Variants in TBXAS1 observed in about 807,000 individuals in gnomAD.
TBXAS1 encodes thromboxane-A synthase.
A neutral mutation model predicts 60.7 loss-of-function variants in TBXAS1; 48 were observed. That is an observed-to-expected ratio of 0.79 (90% CI 0.63 to 1.01). The LOEUF (loss-of-function observed/expected upper bound fraction) is 1.01, where lower values mean the gene tolerates loss of function less well. TBXAS1 is among the 50% of genes least tolerant of loss of function. The probability of loss-of-function intolerance (pLI) is 0.00; values close to 1 mark genes in which losing one functional copy is unlikely to be tolerated. For missense variants in TBXAS1, 685 were observed against 686.3 expected, an observed-to-expected ratio of 1.00 and a Z score of 0.02; for synonymous variants, 287 against 269.7, an observed-to-expected ratio of 1.06 and a Z score of -0.63.
intron 1 of TBXAS1, among the ~76,000 whole-genome samples, chr7:139,853,862 C>A (rs1800394941): frequency 6.6e-6 from 1 of 152,182 alleles, no homozygotes. Flanking sequence ...TGTTCTCCTG[C>A]TCTTCATTGG....
intron 3 of TBXAS1, among the ~76,000 whole-genome samples, chr7:139,783,918 A>G (rs1171481326): frequency 2.0e-5 from 3 of 151,524 alleles, no homozygotes; most frequent in Non-Finnish European, 2.9e-5. Context: ...CTAAGCAAAC[A>G]TGAGTTAGTT....
chr7:139,839,162 T>C (rs1198683290), intron 1 of TBXAS1, among the ~76,000 whole-genome samples: 2 of 152,202 alleles, frequency 1.3e-5, no homozygotes, highest in Admixed American at 6.5e-5. Context: ...ATAGTGGATT[T>C]CTTTCTGGGA....
intron 4 of TBXAS1, among the ~76,000 whole-genome samples, chr7:139,792,360 C>T (rs1297082268): frequency 1.3e-5 from 2 of 152,182 alleles, no homozygotes; most frequent in African/African-American, 4.8e-5. Context: ...ATATCCACCC[C>T]TTCCAAGGAG....
intron 9 of TBXAS1, among the ~76,000 whole-genome samples, chr7:139,983,734 T>G (rs1240304324): frequency 6.6e-6 from 1 of 151,956 alleles, no homozygotes; most frequent in Non-Finnish European, 1.5e-5. Flanking sequence ...CCGCACACAT[T>G]TTTTTTTCTA....
intron 1 of TBXAS1, among the ~76,000 whole-genome samples, chr7:139,864,695 A>G (rs192657365): frequency 3.0e-4 from 45 of 152,374 alleles, no homozygotes; most frequent in African/African-American, 9.6e-4. Context: ...ATCAGAATAG[A>G]TCCAAGCACC....
intron 5 of TBXAS1, among the ~76,000 whole-genome samples, chr7:139,949,498 A>T (rs1809027216): frequency 6.6e-6 from 1 of 152,188 alleles, no homozygotes; most frequent in Non-Finnish European, 1.5e-5. Flanking sequence ...TGTGGCTTAG[A>T]CTGTACTGAC....
chr7:139,838,665 C>A (rs1585594558), intron 1 of TBXAS1, among the ~76,000 whole-genome samples: 1 of 152,152 alleles, frequency 6.6e-6, no homozygotes, highest in Non-Finnish European at 1.5e-5. Context: ...CAAAAAAAAT[C>A]TTTCATTTAA....
intron 4 of TBXAS1, among the ~76,000 whole-genome samples, chr7:139,915,328 C>A (rs574544390): frequency 6.6e-6 from 1 of 152,202 alleles, no homozygotes; most frequent in African/African-American, 2.4e-5. Flanking sequence ...ACTGACACCA[C>A]GTTGCCTTCC....
rs1812358912 is a variant in TBXAS1, at chr7:139,985,254, T to G, written c.1135-21837T>G. Among the ~76,000 whole-genome samples, 6 of 152,330 alleles carry G rather than the reference T, an allele frequency of 3.9e-5. No individual in the cohort carries two copies. In the South Asian group the frequency reaches 1.2e-3, roughly 32 times the overall value. On this transcript the variant is annotated intron_variant, in intron 9 of 12. Transcript: ENST00000448866. ...AAGTTGAAGGCTATGTCCCTCTGGC[T>G]TCTGCAGCTTTTCCTGATGTGGCAG...
chr7:139,877,219 C>G (rs1802307694), intron 3 of TBXAS1, among the ~76,000 whole-genome samples: 1 of 152,150 alleles, frequency 6.6e-6, no homozygotes, highest in South Asian at 2.1e-4. Flanking sequence ...CAAGGCGTGT[C>G]TTTAAATAAC....
At chr7:139,943,601 C>G (rs752385103) in intron 5 of TBXAS1, among the ~76,000 whole-genome samples, 1 of 152,218 alleles carries the variant, frequency 6.6e-6, no homozygotes, top group South Asian at 2.1e-4. Flanking sequence ...CCAGCAGCCA[C>G]CTCCTCATTG....
intron 9 of TBXAS1, among the ~76,000 whole-genome samples, chr7:139,972,685 T>G (rs1014196483): frequency 2.6e-5 from 4 of 152,100 alleles, no homozygotes; most frequent in Non-Finnish European, 5.9e-5. Flanking sequence ...GTCACTAGGC[T>G]TAAAATTTTC....
chr7:139,911,183 G>A (rs1206121345), intron 3 of TBXAS1, 42 bp from the exon 4 acceptor site: 1 of 1,554,458 alleles, frequency 6.4e-7, no homozygotes, highest in Non-Finnish European at 8.9e-7. Flanking sequence ...AAGGAGAAAT[G>A]GGTAATGCAA....
intron 4 of TBXAS1, among the ~76,000 whole-genome samples, chr7:139,795,389 G>A (rs1420222466): frequency 1.1e-5 from 1 of 89,082 alleles, no homozygotes; most frequent in Non-Finnish European, 2.1e-5. Flanking sequence ...AAATTTGTTT[G>A]AGTTCATTGT....
chr7:139,990,980 A>T lies in TBXAS1; in HGVS notation c.1135-16111A>T, dbSNP rs1489738141. Among the ~76,000 whole-genome samples, 3 of 152,298 alleles carry T rather than the reference A, an allele frequency of 2.0e-5. No homozygotes were observed. The East Asian group carries it at 5.8e-4, about 30-fold the overall frequency. On this transcript the variant is annotated intron_variant, in intron 9 of 12. Transcript: ENST00000448866. ...GGACATTGCAGGAGCAGAGACACGA[A>T]GACAAAAGAAACAAATGATTCCTTA...
At chr7:139,970,598 A>T (rs1343761534) in intron 9 of TBXAS1, among the ~76,000 whole-genome samples, 3 of 152,180 alleles carry the variant, frequency 2.0e-5, no homozygotes, top group Non-Finnish European at 4.4e-5. Flanking sequence ...TTTGCTAATA[A>T]ATCTCAGTGG....
At chr7:139,856,593 A>T (rs1800598890) in intron 1 of TBXAS1, among the ~76,000 whole-genome samples, 1 of 152,216 alleles carries the variant, frequency 6.6e-6, no homozygotes, top group Non-Finnish European at 1.5e-5. Flanking sequence ...CATATTCAAT[A>T]AGCTATGGGA....
chr7:140,015,692 G>GT, intron 10 of TBXAS1, 31 bp from the exon 11 acceptor site: 1 of 1,611,394 alleles, frequency 6.2e-7, no homozygotes, highest in East Asian at 2.2e-5. Context: ...TCTCTTCTCT[G>GT]TATCCACCCC....
intron 5 of TBXAS1, among the ~76,000 whole-genome samples, chr7:139,941,961 C>T (rs1170665447): frequency 6.6e-6 from 1 of 152,196 alleles, no homozygotes; most frequent in African/African-American, 2.4e-5. Context: ...AGAGAGAGAA[C>T]ACAGTGGAAT....
Sources: gnomAD v4.1 joint callset for allele counts (sites outside exome capture counted in the v4.1 genomes callset) on GRCh38, gnomAD v4.1.1 for gene constraint, MANE v1.5 for transcripts, NCBI Gene and HGNC (gene_info 2026-07-23, HGNC 2026-07-21) for gene names.